The following LEF1 variants were observed in gnomAD, a reference collection of about 807,000 sequenced individuals.
LEF1 encodes lymphoid enhancer binding factor 1.
A neutral mutation model predicts 51.2 loss-of-function variants in LEF1; 14 were observed. The observed-to-expected ratio is 0.27, with a 90% CI of 0.18 to 0.43. The LOEUF (loss-of-function observed/expected upper bound fraction) is 0.43, where lower values mean the gene tolerates loss of function less well. Ranked by LOEUF, LEF1 falls within the 20% of genes least tolerant of loss-of-function variation. The probability of loss-of-function intolerance (pLI) is 1.00; values close to 1 mark genes in which losing one functional copy is unlikely to be tolerated. For missense variants in LEF1, 386 were observed against 512.0 expected (o/e 0.75, Z 2.37); for synonymous variants, 185 against 183.2 (o/e 1.01, Z -0.08).
In LEF1 at chr4:108,116,640, G is replaced by C. The variant is rs538151598; in HGVS notation, c.415-27383C>G. Among the ~76,000 whole-genome samples, 5 of 152,312 alleles carry C rather than the reference G, an allele frequency of 3.3e-5. No homozygotes were observed. The South Asian group carries it at 1.0e-3, about 32-fold the overall frequency. ...ATAAAATCCAACTTGAGAGCTGTTT[G>C]CCCTGAGGGCTGTCAAGAGTCTTAC... is the stretch of plus-strand genomic sequence containing the variant. On this transcript the variant is annotated intron_variant, in intron 3 of 11. Transcript: ENST00000265165.
At chr4:108,057,475 T>A (rs545210707) in intron 11 of LEF1, among the ~76,000 whole-genome samples, 23 of 152,112 alleles carry the variant, frequency 1.5e-4, no homozygotes, top group African/African-American at 5.1e-4. Flanking sequence ...ATTTTTCTCA[T>A]TGAGACCACT....
chr4:108,080,161 GAGA>G (rs2126287773), intron 6 of LEF1, among the ~76,000 whole-genome samples: 1 of 152,188 alleles, frequency 6.6e-6, no homozygotes, highest in Non-Finnish European at 1.5e-5. Context: ...CAGAAATAAG[GAGA>G]AGAATTTAAA....
intron 8 of LEF1, among the ~76,000 whole-genome samples, chr4:108,072,588 G>C (rs1473300323): frequency 6.6e-6 from 1 of 152,176 alleles, no homozygotes; most frequent in African/African-American, 2.4e-5. Flanking sequence ...GGCTTGCCCT[G>C]AGCCTAAAGC....
chr4:108,130,208 G>A (rs1742785520), intron 3 of LEF1, among the ~76,000 whole-genome samples: 1 of 152,106 alleles, frequency 6.6e-6, no homozygotes, highest in Non-Finnish European at 1.5e-5. Flanking sequence ...AAAAAGAGGA[G>A]GACAGATGAT....
intron 3 of LEF1, among the ~76,000 whole-genome samples, chr4:108,099,582 A>ATGTGTG (rs1211981646): frequency 0.11 from 4,826 of 45,582 alleles, 536 homozygotes; most frequent in Non-Finnish European, 0.15. Context: ...ATATATATAT[A>ATGTGTG]TATATATATA....
At chr4:108,145,090 G>A (rs1344631194) in intron 3 of LEF1, among the ~76,000 whole-genome samples, 2 of 152,158 alleles carry the variant, frequency 1.3e-5, no homozygotes, top group Non-Finnish European at 2.9e-5. Flanking sequence ...CCACTGGGGT[G>A]CAGCAGGAAG....
intron 9 of LEF1, among the ~76,000 whole-genome samples, chr4:108,066,410 C>G (rs997287524): frequency 6.6e-6 from 1 of 152,218 alleles, no homozygotes; most frequent in Non-Finnish European, 1.5e-5. Context: ...ATCCCTCAGG[C>G]AGAGCTGGGG....
intron 3 of LEF1, among the ~76,000 whole-genome samples, chr4:108,132,685 T>G (rs1318152722): frequency 1.4e-5 from 2 of 139,506 alleles, no homozygotes; most frequent in African/African-American, 5.5e-5. Context: ...TTTTTTTTTT[T>G]GAGGCAGGGT....
chr4:108,073,099 T>C (rs1438149671), intron 8 of LEF1, among the ~76,000 whole-genome samples: 1 of 152,154 alleles, frequency 6.6e-6, no homozygotes, highest in Admixed American at 6.5e-5. Flanking sequence ...AAAAGCAATA[T>C]TTATGGTAGG....
rs576293861 is a variant in LEF1, at chr4:108,140,629, C to G, written c.414+22939G>C. On this transcript the variant is annotated intron_variant, in intron 3 of 11. Coordinates refer to ENST00000265165, the MANE Select transcript of LEF1 (RefSeq NM_016269.5). The stretch of plus-strand genomic sequence containing the variant: ...TATAATCAGCCATCTAGGTTTTCAT[C>G]TTATTTTGACTTTCCCCTCACCCGG... 9.8e-5 allele frequency among the ~76,000 whole-genome samples: 15 copies of G among 152,286 alleles called. No homozygotes were observed. The East Asian group carries it at 2.9e-3, about 29-fold the overall frequency.
chr4:108,167,559 T>C lies in LEF1; in HGVS notation c.209A>G (p.His70Arg), dbSNP rs547808066. 1.2e-6 allele frequency: 2 copies of C among 1,614,094 alleles called. No homozygotes were observed. The highest frequency in any genetic ancestry group is 1.1e-5 in the South Asian group (1 of 91,084). ...CTGGGGCAGCGGCCCGCTCACCTCG[T>C]GTCCGTTGCTGGCCGGGATGATTTC... ...ESEIIPASNG[H>R]EVARQAQTSQ... The change falls in exon 1 of 12, where the codon CAC (histidine) becomes CGC (arginine). Residue 70 changes from histidine to arginine, a missense_variant. His to Arg is a conservative substitution (Grantham distance 29). Coordinates refer to ENST00000265165, the MANE Select transcript of LEF1 (RefSeq NM_016269.5). The surrounding 1 kb of genome is among the most constrained non-coding windows in gnomAD (Gnocchi z 5.7).
At chr4:108,098,350 G>A (rs1321836300) in intron 3 of LEF1, among the ~76,000 whole-genome samples, 1 of 152,256 alleles carries the variant, frequency 6.6e-6, no homozygotes, top group East Asian at 1.9e-4. Flanking sequence ...GGTTCGGCAA[G>A]CTACAGTCTG....
At chr4:108,101,373 T>C (rs1407335696) in intron 3 of LEF1, among the ~76,000 whole-genome samples, 2 of 152,272 alleles carry the variant, frequency 1.3e-5, no homozygotes, top group South Asian at 2.1e-4. Context: ...AGTATTAAAA[T>C]AGAGAAAGAT....
At chr4:108,049,175 T>C (rs1331519464) in intron 11 of LEF1, among the ~76,000 whole-genome samples, 2 of 152,224 alleles carry the variant, frequency 1.3e-5, no homozygotes, top group Admixed American at 1.3e-4. Context: ...TGATTCTACA[T>C]AGGACAGACA....
chr4:108,123,837 T>C (rs1742335416), intron 3 of LEF1, among the ~76,000 whole-genome samples: 1 of 152,102 alleles, frequency 6.6e-6, no homozygotes, highest in Non-Finnish European at 1.5e-5. Context: ...CAATCTATAA[T>C]CTGATATCAA....
chr4:108,123,605 C>CA (rs1436717228), intron 3 of LEF1, among the ~76,000 whole-genome samples: 5 of 151,900 alleles, frequency 3.3e-5, no homozygotes, highest in Non-Finnish European at 7.4e-5. Flanking sequence ...TGGATGCATT[C>CA]AAAATGTATA....
intron 3 of LEF1, among the ~76,000 whole-genome samples, chr4:108,138,770 A>T (rs990666999): frequency 6.6e-6 from 1 of 152,246 alleles, no homozygotes; most frequent in Non-Finnish European, 1.5e-5. Context: ...TTTAGGGCTG[A>T]GAACATCAGG....
intron 3 of LEF1, among the ~76,000 whole-genome samples, chr4:108,090,003 T>G (rs1205500133): frequency 2.0e-5 from 3 of 152,126 alleles, no homozygotes; most frequent in African/African-American, 7.2e-5. Flanking sequence ...TTTTTTGAGA[T>G]GGAGTTTCAC....
At chr4:108,061,874 AAGCTTGCCACTC>A (rs1737715861) in intron 11 of LEF1, among the ~76,000 whole-genome samples, 1 of 152,196 alleles carries the variant, frequency 6.6e-6, no homozygotes, top group Admixed American at 6.5e-5. Context: ...ACCTGGAGGA[AAGCTTGCCACTC>A]AGTATTAGTT....
Sources: allele counts gnomAD v4.1 joint callset (sites outside exome capture counted in the v4.1 genomes callset), GRCh38; gene constraint gnomAD v4.1.1; non-coding constraint Gnocchi (gnomAD v3.1); transcripts MANE v1.5; gene names NCBI Gene and HGNC (gene_info 2026-07-23, HGNC 2026-07-21).